Variants in ELMO2 observed in about 807,000 individuals in gnomAD.
The protein encoded by ELMO2 is engulfment and cell motility 2, also known as engulfment and cell motility protein 2.
In ELMO2, 37 loss-of-function variants were observed where a neutral mutation model predicts 96.2. That is an observed-to-expected ratio of 0.38 (90% confidence interval 0.30 to 0.51). The LOEUF (loss-of-function observed/expected upper bound fraction) is 0.51. Ranked by LOEUF, ELMO2 falls within the 20% of genes least tolerant of loss-of-function variation. The probability of loss-of-function intolerance (pLI) is 0.88; values close to 1 mark genes in which losing one functional copy is unlikely to be tolerated. For synonymous variants in ELMO2, 315 were observed against 329.4 expected (o/e 0.96, Z 0.47); for missense variants, 561 against 912.6 (o/e 0.61, Z 4.96).
At chr20:46,383,011 A>G (rs191692545) in intron 10 of ELMO2, among the ~76,000 whole-genome samples, 10 of 152,298 alleles carry the variant, frequency 6.6e-5, no homozygotes, top group Admixed American at 3.3e-4. Context: ...AACTATGGCC[A>G]TATTAGGCCT....
At chr20:46,403,315 T>C (rs1187421877) in intron 1 of ELMO2, among the ~76,000 whole-genome samples, 3 of 152,260 alleles carry the variant, frequency 2.0e-5, no homozygotes, top group African/African-American at 7.2e-5. Context: ...GAAAATGTTA[T>C]GATCAGTTCC....
At chr20:46,405,756 C>A (rs904030489) in intron 1 of ELMO2, among the ~76,000 whole-genome samples, 1 of 152,098 alleles carries the variant, frequency 6.6e-6, no homozygotes, top group Admixed American at 6.5e-5. Context: ...TGGTGGCAGG[C>A]GCCCGTAATC....
At chr20:46,373,610 T>C (rs779541359) in intron 15 of ELMO2, 75 bp from the exon 16 acceptor site, 1 of 1,570,716 alleles carries the variant, frequency 6.4e-7, no homozygotes, top group East Asian at 2.3e-5. Flanking sequence ...CTGGAAACTT[T>C]GCACCAAAGT....
At chr20:46,382,382 G>T in intron 10 of ELMO2, 2 of 701,134 alleles carry the variant, frequency 2.9e-6, no homozygotes, top group Non-Finnish European at 4.3e-6. Flanking sequence ...AGATGCTTCT[G>T]GTCTTCCCTC....
intron 16 of ELMO2, among the ~76,000 whole-genome samples, chr20:46,372,460 G>A (rs369410301): frequency 5.3e-5 from 8 of 152,236 alleles, no homozygotes; most frequent in East Asian, 3.9e-4. Context: ...GTGAAACCCC[G>A]TCTCTACTAA....
chr20:46,374,226 A>C, intron 15 of ELMO2, 106 bp downstream of exon 15: 1 of 859,022 alleles, frequency 1.2e-6, no homozygotes, highest in Non-Finnish European at 1.9e-6. Flanking sequence ...ACAGGTGTGA[A>C]CCACCACGCC....
intron 20 of ELMO2, chr20:46,370,074 C>A: frequency 2.7e-6 from 1 of 366,618 alleles, no homozygotes; most frequent in Non-Finnish European, 5.2e-6. Flanking sequence ...AGAAAGTCAC[C>A]ATCAGTGGAA....
At chr20:46,402,000 C>T (rs1568792584) in intron 1 of ELMO2, among the ~76,000 whole-genome samples, 1 of 152,166 alleles carries the variant, frequency 6.6e-6, no homozygotes, top group Non-Finnish European at 1.5e-5. Context: ...GGAGCCCAGA[C>T]CCACCCAATC....
In ELMO2 at chr20:46,375,209, C is replaced by T. The variant is rs778162359; in HGVS notation, c.1065+27G>A. 1.9e-6 allele frequency: 3 copies of T among 1,608,234 alleles called. No homozygotes were observed. The highest frequency in any genetic ancestry group is 2.2e-5 in the South Asian group (2 of 90,730). The stretch of plus-strand genomic sequence containing the variant: ...ACTTCCCATCAGGGGAGAGGGCCTA[C>T]CACCGTCTATGCTCTGAGGTACTTA... On this transcript the variant is annotated intron_variant, in intron 13 of 21. Transcript: ENST00000290246. The surrounding 1 kb of genome is among the most constrained non-coding windows in gnomAD (Gnocchi z 4.6).
At chr20:46,369,113 G>T in intron 20 of ELMO2, 145 bp from the exon 21 acceptor site, 1 of 727,654 alleles carries the variant, frequency 1.4e-6, no homozygotes, top group Non-Finnish European at 2.3e-6. Flanking sequence ...GCGGCCACAA[G>T]TGTGGCTGGA....
chr20:46,368,701 C>T (rs1482372874), intron 21 of ELMO2, among the ~76,000 whole-genome samples, 190 bp downstream of exon 21: 1 of 152,182 alleles, frequency 6.6e-6, no homozygotes, highest in Admixed American at 6.5e-5. Flanking sequence ...GGGTGCCCCC[C>T]CAACCACAGC....
intron 1 of ELMO2, among the ~76,000 whole-genome samples, chr20:46,405,604 T>C (rs1201343734): frequency 1.3e-5 from 2 of 152,028 alleles, no homozygotes; most frequent in Non-Finnish European, 2.9e-5. Context: ...TCTGCATTTC[T>C]CGGCTGGGCG....
In ELMO2 at chr20:46,371,537, C is replaced by T. The variant is rs569684760; in HGVS notation, c.1693+42G>A. On this transcript the variant is annotated intron_variant, in intron 18 of 21. Coordinates refer to ENST00000290246, the MANE Select transcript of ELMO2 (RefSeq NM_133171.5). This position sits in a 1 kb window ranked among gnomAD's most constrained non-coding sequence, Gnocchi z 5.9. ...CTGGGCACAAAAGGGGCCATCCAGG[C>T]AGGCTCTTCCCGGCACCAAGGATTG... The T allele has an allele frequency of 7.6e-5, 122 of 1,604,606 alleles. 2 individuals carry two copies. The South Asian group carries it at 1.1e-3, about 15-fold the overall frequency.
intron 10 of ELMO2, chr20:46,382,213 G>A (rs768150097): frequency 8.0e-5 from 103 of 1,289,718 alleles, no homozygotes; most frequent in Non-Finnish European, 1.0e-4. Context: ...TACAGTGACA[G>A]GCAGGTCTAG....
intron 10 of ELMO2, among the ~76,000 whole-genome samples, chr20:46,382,995 T>C (rs1173442436): frequency 6.6e-6 from 1 of 152,130 alleles, no homozygotes; most frequent in African/African-American, 2.4e-5. Context: ...AACCCAGGAG[T>C]TGGCAAACTA....
At chr20:46,393,039 T>A in intron 6 of ELMO2, 54 bp downstream of exon 6, 1 of 1,478,812 alleles carries the variant, frequency 6.8e-7, no homozygotes, top group Non-Finnish European at 9.5e-7. Flanking sequence ...CCATGGTAGG[T>A]GCTCATATTT....
rs370210306 is a variant in ELMO2 at position 46,375,387 on chromosome 20, A to T, written c.931-17T>A. ...CCTTTGAGCCTGCGAGGTGAAACAG[A>T]CAGTCAGCAGGTGAATCGGCTAACC... On this transcript the variant is annotated splice_polypyrimidine_tract_variant and intron_variant, in intron 12 of 21. Coordinates refer to ENST00000290246, the MANE Select transcript of ELMO2 (RefSeq NM_133171.5). This position sits in a 1 kb window ranked among gnomAD's most constrained non-coding sequence, Gnocchi z 4.6. 6.0e-5 allele frequency: 97 copies of T among 1,612,834 alleles called. No homozygotes were observed. The highest frequency in any genetic ancestry group is 1.8e-4 in the Admixed American group (11 of 59,938).
At position 46,366,405 on chromosome 20, in the gene ELMO2, G is replaced by A. The variant is rs1026513428; in HGVS notation, c.*955C>T. On this transcript the variant is annotated 3_prime_UTR_variant, in exon 22 of 22. Transcript: ENST00000290246. ...CACCAGGGAAGCCCCACTGGCACAGGTGTGGCCTCAGCCGGCCTCAGCCAG... is the reference window on the plus strand; with the variant it reads ...CACCAGGGAAGCCCCACTGGCACAGATGTGGCCTCAGCCGGCCTCAGCCAG... 6.5e-6 allele frequency: 1 copy of A among 152,734 alleles called. No homozygotes were observed. The highest frequency in any genetic ancestry group is 1.5e-5 in the Non-Finnish European group (1 of 68,096). The allele number at this position is 152,734 out of a possible 1,614,324, so 9.5% of individuals were successfully genotyped here. A position where few individuals can be genotyped will look rare whatever the true frequency, so the allele number is the denominator to read the frequency against.
rs893729607 is a variant in ELMO2 at position 46,394,343 on chromosome 20, C to T, written c.78+62G>A. On this transcript the variant is annotated intron_variant, in intron 3 of 21. Coordinates refer to ENST00000290246, the MANE Select transcript of ELMO2 (RefSeq NM_133171.5). ...GGTGGTCCCCATCCCTCAAGATGTC[C>T]TCTGCCATGCACTCCCCAGGTGCCT... The T allele has an allele frequency of 3.2e-6, 5 of 1,561,170 alleles. No homozygotes were observed. The African/African-American group carries it at 6.8e-5, about 21-fold the overall frequency.
Sources: allele counts gnomAD v4.1 joint callset (sites outside exome capture counted in the v4.1 genomes callset), GRCh38; gene constraint gnomAD v4.1.1; non-coding constraint Gnocchi (gnomAD v3.1); transcripts MANE v1.5; gene names NCBI Gene and HGNC (gene_info 2026-07-23, HGNC 2026-07-21).